MAP3K1: variants seen among roughly 807,000 people sequenced by gnomAD.
MAP3K1 encodes MAP/ERK kinase kinase 1.
Under a neutral mutation model 144.2 loss-of-function variants are expected in MAP3K1, and 36 were observed. The observed-to-expected ratio is 0.25, with a 90% CI of 0.19 to 0.33. The LOEUF (loss-of-function observed/expected upper bound fraction) is 0.33. Ranked by LOEUF, MAP3K1 falls within the 10% of genes least tolerant of loss-of-function variation. The pLI, the probability that MAP3K1 is intolerant of heterozygous loss-of-function variation, is 1.00. For missense variants in MAP3K1, 1,650 were observed against 1,881.9 expected (o/e 0.88, Z 2.28); for synonymous variants, 718 against 688.7 (o/e 1.04, Z -0.67).
In MAP3K1 at chr5:56,882,310, AAGACTC is replaced by A. The variant is rs762307758; in HGVS notation, c.3114_3119del (p.Ser1039_Asp1040del). 2 of 1,614,182 alleles carry A rather than the reference AAGACTC, an allele frequency of 1.2e-6. No homozygotes were observed. Among genetic ancestry groups the A allele is most frequent in the South Asian group, 2.2e-5 (2 of 91,082 alleles). ...TTCCACAGAAACTGTCCTGAAAACA[AAGACTC>A]AGATAAACTTTCCCCAGTCTTTACT... is the stretch of plus-strand genomic sequence containing the variant. On this transcript the variant is annotated inframe_deletion, in exon 14 of 20. Transcript: ENST00000399503.
intron 9 of MAP3K1, 101 bp downstream of exon 9, chr5:56,873,106 T>C (rs1011368093): frequency 2.6e-5 from 29 of 1,109,930 alleles, no homozygotes; most frequent in Non-Finnish European, 3.6e-5. Context: ...AAAAACACTT[T>C]TACTTGCCTC....
chr5:56,838,058 A>G (rs1022345738), intron 1 of MAP3K1, among the ~76,000 whole-genome samples: 1 of 152,214 alleles, frequency 6.6e-6, no homozygotes, highest in African/African-American at 2.4e-5. Flanking sequence ...ATGCTAGGCA[A>G]ACTCACATTT....
chr5:56,860,616 G>A (rs765632902), intron 3 of MAP3K1, among the ~76,000 whole-genome samples: 12 of 152,258 alleles, frequency 7.9e-5, no homozygotes, highest in African/African-American at 2.9e-4. Context: ...ACTTTGGGAG[G>A]GCGAAGTGGG....
intron 15 of MAP3K1, 122 bp from the exon 16 acceptor site, chr5:56,884,542 A>G: frequency 2.3e-6 from 2 of 861,994 alleles, no homozygotes; most frequent in East Asian, 2.7e-5. Flanking sequence ...TTTAAAGTAC[A>G]TTGCATCCAT....
intron 1 of MAP3K1, among the ~76,000 whole-genome samples, chr5:56,827,551 C>G (rs947059833): frequency 4.6e-5 from 7 of 152,304 alleles, no homozygotes; most frequent in Admixed American, 4.6e-4. Context: ...TTTCAGAGAC[C>G]ATGCACTGTA....
At chr5:56,816,098 G>A (rs1174597387) in intron 1 of MAP3K1, 43 bp downstream of exon 1, 13 of 1,201,944 alleles carry the variant, frequency 1.1e-5, no homozygotes, top group Non-Finnish European at 1.0e-6. Flanking sequence ...TTGGAGAGCG[G>A]GCAGAGGGCA....
chr5:56,865,248 A>G (rs1747641654), intron 4 of MAP3K1, 92 bp from the exon 5 acceptor site: 12 of 805,858 alleles, frequency 1.5e-5, no homozygotes, highest in Non-Finnish European at 2.6e-5. Context: ...ACTTTAGTAT[A>G]AAAAGTTGGA....
chr5:56,879,059 C>A lies in MAP3K1; in HGVS notation c.2045C>A (p.Pro682Gln), dbSNP rs1561197462. The change falls in exon 11 of 20, where the codon CCA becomes CAA. Residue 682 changes from proline to glutamine, a missense_variant. Physicochemically the swap from Pro to Gln is moderately conservative, Grantham distance 76 (BLOSUM62 -1). Around this residue, in one of 6 missense-constraint regions of MAP3K1, gnomAD observed 841 missense variants for 886.5 expected, o/e 0.95. Transcript: ENST00000399503. Reference sequence around the variant, plus strand: ...ATCAAACTTCAGAGACTTCTCCAGCCAGTTGTAGACACCATCCTAGTCAAA... The same window carrying A: ...ATCAAACTTCAGAGACTTCTCCAGCAAGTTGTAGACACCATCCTAGTCAAA... Reference protein sequence around the residue: ...ERIKLQRLLQPVVDTILVKCA... With the variant: ...ERIKLQRLLQQVVDTILVKCA... 1 of 1,613,830 alleles carries A rather than the reference C, an allele frequency of 6.2e-7. No individual in the cohort carries two copies. Among genetic ancestry groups the A allele is most frequent in the Non-Finnish European group, 8.5e-7 (1 of 1,179,772 alleles).
chr5:56,887,715 C>T lies in MAP3K1; in HGVS notation c.4257+195C>T, dbSNP rs832549. The T allele has an allele frequency of 0.78, 481,332 of 614,534 alleles. 190,326 individuals are homozygous for T. Among genetic ancestry groups the T allele is most frequent in the Non-Finnish European group, 0.82 (287,500 of 350,764 alleles). The allele number at this position is 614,534 out of a possible 1,614,324, so 38.1% of individuals were successfully genotyped here. On this transcript the variant is annotated intron_variant, in intron 18 of 19. Transcript: ENST00000399503. ...CTTTGCCTTGGCAATATTCAAAAAACAGGTTTTAATAGATTTACTTAACGG... is the reference window on the plus strand; with the variant it reads ...CTTTGCCTTGGCAATATTCAAAAAATAGGTTTTAATAGATTTACTTAACGG...
At position 56,893,870 on chromosome 5, in the gene MAP3K1, C is replaced by G; in HGVS notation, c.*190C>G. The G allele has an allele frequency of 1.6e-6, 1 of 635,782 alleles. No homozygotes were observed. The highest frequency in any genetic ancestry group is 2.8e-5 in the East Asian group (1 of 35,988). The allele number at this position is 635,782 out of a possible 1,614,324, so 39.4% of individuals were successfully genotyped here. A position where few individuals can be genotyped will look rare whatever the true frequency, so the allele number is the denominator to read the frequency against. ...GTACCTAAGCTCAGTATGCAAAAGC[C>G]CAAACTAGTGCAGAAACTGTAAACT... is the stretch of plus-strand genomic sequence containing the variant. On this transcript the variant is annotated 3_prime_UTR_variant, in exon 20 of 20. Coordinates refer to ENST00000399503, the MANE Select transcript of MAP3K1 (RefSeq NM_005921.2).
chr5:56,864,995 A>G, intron 4 of MAP3K1, 61 bp downstream of exon 4: 1 of 1,398,560 alleles, frequency 7.2e-7, no homozygotes, highest in East Asian at 2.3e-5. Context: ...CCTCAAATTT[A>G]TATACTATAA....
chr5:56,882,807 C>G lies in MAP3K1; in HGVS notation c.3607C>G (p.Pro1203Ala), dbSNP rs1052243064. 1 of 1,612,256 alleles carries G rather than the reference C, an allele frequency of 6.2e-7. No individual in the cohort carries two copies. Among genetic ancestry groups the G allele is most frequent in the Non-Finnish European group, 8.5e-7 (1 of 1,179,450 alleles). ...AATGTCAGCGTCTCAGGATGCCCTC[C>G]CCATAGTTCCTCAGCTGCAGGTTGA... Reference protein sequence around the residue: ...MAMSASQDALPIVPQLQVENG... With the variant: ...MAMSASQDALAIVPQLQVENG... The change falls in exon 14 of 20, where the codon CCC (proline) becomes GCC (alanine). Residue 1203 changes from proline (P) to alanine (A), a missense_variant. Physicochemically the swap from Pro to Ala is conservative, Grantham distance 27. This residue lies in a region of MAP3K1 where 841 missense variants were observed against 886.5 expected (regional missense o/e 0.95). Coordinates refer to ENST00000399503, the MANE Select transcript of MAP3K1 (RefSeq NM_005921.2).
chr5:56,833,414 C>T (rs1746555899), intron 1 of MAP3K1, among the ~76,000 whole-genome samples: 1 of 152,194 alleles, frequency 6.6e-6, no homozygotes, highest in Admixed American at 6.5e-5. Flanking sequence ...CCTGCCCAGA[C>T]TGTCTGACAT....
At chr5:56,828,882 C>CT (rs10552271) in intron 1 of MAP3K1, among the ~76,000 whole-genome samples, 5 of 151,020 alleles carry the variant, frequency 3.3e-5, no homozygotes, top group Non-Finnish European at 3.0e-5. Flanking sequence ...ATGTATGCAT[C>CT]TTTTTTTTTT....
rs1043017369 is a variant in MAP3K1 at position 56,894,554 on chromosome 5, C to T, written c.*874C>T. 1 of 232,328 alleles carries T rather than the reference C, an allele frequency of 4.3e-6. No homozygotes were observed. The highest frequency in any genetic ancestry group is 5.6e-5 in the Admixed American group (1 of 17,752). 14.4% of individuals were successfully genotyped at this position (232,328 alleles called of 1,614,324 possible). ...ACAAGTTAACTAAAAATAAACTGTC[C>T]TCTCTGGTGCAACTCACAACCAAGA... On this transcript the variant is annotated 3_prime_UTR_variant, in exon 20 of 20. Coordinates refer to ENST00000399503, the MANE Select transcript of MAP3K1 (RefSeq NM_005921.2).
intron 6 of MAP3K1, among the ~76,000 whole-genome samples, chr5:56,868,142 T>C (rs1466476275): frequency 2.0e-5 from 3 of 152,210 alleles, no homozygotes; most frequent in Non-Finnish European, 2.9e-5. Context: ...TTTGGTCTCT[T>C]TTAAAACTAC....
intron 9 of MAP3K1, among the ~76,000 whole-genome samples, chr5:56,874,003 A>C (rs2111917260): frequency 6.6e-6 from 1 of 152,296 alleles, no homozygotes. Context: ...TCTTTCAAGC[A>C]TATGGTCTAG....
chr5:56,820,989 A>G (rs1327955589), intron 1 of MAP3K1, among the ~76,000 whole-genome samples: 1 of 152,218 alleles, frequency 6.6e-6, no homozygotes, highest in Non-Finnish European at 1.5e-5. Flanking sequence ...AGGGAAAATT[A>G]AAAAGGAGAT....
intron 1 of MAP3K1, among the ~76,000 whole-genome samples, chr5:56,819,045 T>C (rs891680488): frequency 5.9e-5 from 9 of 152,304 alleles, no homozygotes; most frequent in Non-Finnish European, 8.8e-5. Context: ...TAGTCTTCCG[T>C]GAATTTGTAA....
Sources: gnomAD v4.1 joint callset for allele counts (sites outside exome capture counted in the v4.1 genomes callset) on GRCh38, gnomAD v4.1.1 for gene constraint, gnomAD v4.1.1 regional missense constraint, MANE v1.5 for transcripts, NCBI Gene and HGNC (gene_info 2026-07-23, HGNC 2026-07-21) for gene names.